LRP1B: variants seen among roughly 807,000 people sequenced by gnomAD.
LRP1B encodes LDL receptor related protein 1B.
In LRP1B, 217 loss-of-function variants were observed where a neutral mutation model predicts 556.6. The observed-to-expected ratio is 0.39, with a 90% CI of 0.35 to 0.44. The LOEUF is 0.44. Ranked by LOEUF, LRP1B falls within the 20% of genes least tolerant of loss-of-function variation. The pLI, the probability that LRP1B is intolerant of heterozygous loss-of-function variation, is 1.00. For missense variants in LRP1B, 5,053 were observed against 5,620.8 expected (o/e 0.90, Z 3.23); for synonymous variants, 2,047 against 1,865.8 (o/e 1.10, Z -2.50).
chr2:140,537,216 T>C (rs944447166), intron 45 of LRP1B, among the ~76,000 whole-genome samples: 7 of 147,420 alleles, frequency 4.7e-5, no homozygotes, highest in Non-Finnish European at 8.9e-5. Flanking sequence ...ATATAATATA[T>C]AATAATAATA....
intron 67 of LRP1B, among the ~76,000 whole-genome samples, 181 bp from the exon 68 acceptor site, chr2:140,378,467 A>T (rs1375593761): frequency 1.3e-5 from 2 of 152,200 alleles, no homozygotes; most frequent in African/African-American, 4.8e-5. Context: ...TAATTTTTCC[A>T]ATTTATTTTT....
intron 68 of LRP1B, 101 bp downstream of exon 68, chr2:140,378,079 A>G (rs1683312496): frequency 2.7e-6 from 2 of 731,180 alleles, no homozygotes; most frequent in African/African-American, 1.8e-5. Flanking sequence ...GGAGCAAAGT[A>G]TTTCTGAGCT....
rs566355196 is a variant in LRP1B, at chr2:140,983,498, A to G, written c.2771-1222T>C. 1.1e-4 allele frequency among the ~76,000 whole-genome samples: 16 copies of G among 152,254 alleles called. 1 individual carries two copies. Among genetic ancestry groups the G allele is most frequent in the African/African-American group, 3.1e-4 (13 of 41,588 alleles). ...TATAAGAAAGAGTGGAGCAAAGCCA[A>G]CTCAATCAAATGCACTAAAATGGGT... On this transcript the variant is annotated intron_variant, in intron 17 of 90. Transcript: ENST00000389484.
At chr2:141,239,050 T>A (rs142651051) in intron 5 of LRP1B, among the ~76,000 whole-genome samples, 180 of 152,082 alleles carry the variant, frequency 1.2e-3, no homozygotes, top group Admixed American at 2.0e-3. Flanking sequence ...TGATACAGGA[T>A]GAAACATCCT....
intron 43 of LRP1B, among the ~76,000 whole-genome samples, chr2:140,581,197 T>A (rs985500411): frequency 3.0e-4 from 46 of 152,236 alleles, no homozygotes; most frequent in Non-Finnish European, 5.4e-4. Context: ...TTTTGCATAA[T>A]TGTCAAAATG....
chr2:140,847,744 G>A (rs1692317172), intron 29 of LRP1B, among the ~76,000 whole-genome samples: 1 of 143,868 alleles, frequency 7.0e-6, no homozygotes, highest in Non-Finnish European at 1.5e-5. Context: ...TCCAGCCTGG[G>A]ACAGAGTGAG....
chr2:140,872,210 T>C (rs1339885786), intron 25 of LRP1B, among the ~76,000 whole-genome samples: 1 of 151,750 alleles, frequency 6.6e-6, no homozygotes, highest in African/African-American at 2.4e-5. Context: ...AAATAGTTTA[T>C]AATAGTCTGG....
chr2:140,829,603 A>G (rs1440039963), intron 31 of LRP1B, among the ~76,000 whole-genome samples: 1 of 152,166 alleles, frequency 6.6e-6, no homozygotes, highest in African/African-American at 2.4e-5. Context: ...GAAAAACATA[A>G]CATACCAAAA....
intron 3 of LRP1B, among the ~76,000 whole-genome samples, chr2:141,466,579 C>T (rs72849004): frequency 0.33 from 50,048 of 151,950 alleles, 8,922 homozygotes; most frequent in Non-Finnish European, 0.4. Flanking sequence ...AATCAGGCTT[C>T]TGGAAAGCTC....
chr2:141,752,945 G>GAAAAAAAAAA (rs70994450), intron 2 of LRP1B, among the ~76,000 whole-genome samples: 1,335 of 28,080 alleles, frequency 0.048, 209 homozygotes, highest in African/African-American at 0.12. Flanking sequence ...CCCTGTCTCA[G>GAAAAAAAAAA]AAAAAAAAAA....
chr2:140,536,494 G>A lies in LRP1B; in HGVS notation c.7642+87C>T, dbSNP rs556824871. 92 of 1,286,934 alleles carry A rather than the reference G, an allele frequency of 7.1e-5. 1 individual carries two copies. In the South Asian group the frequency reaches 8.4e-4, roughly 12 times the overall value. The allele number at this position is 1,286,934 out of a possible 1,614,324, so 79.7% of individuals were successfully genotyped here. ...GAGAGACATTAAATAAATTATCCACGTAAACCACACCGAGACAAGCAAACC... is the reference window on the plus strand; with the variant it reads ...GAGAGACATTAAATAAATTATCCACATAAACCACACCGAGACAAGCAAACC... On this transcript the variant is annotated intron_variant, in intron 46 of 90. Transcript: ENST00000389484.
At chr2:140,670,090 G>T (rs572893674) in intron 41 of LRP1B, among the ~76,000 whole-genome samples, 23 of 152,248 alleles carry the variant, frequency 1.5e-4, no homozygotes, top group African/African-American at 5.3e-4. Context: ...GTTTCCCAAT[G>T]GGAATTAACA....
At chr2:141,809,138 T>C (rs1033666664) in intron 2 of LRP1B, among the ~76,000 whole-genome samples, 2 of 152,120 alleles carry the variant, frequency 1.3e-5, no homozygotes, top group African/African-American at 4.8e-5. Flanking sequence ...GACTATAAAC[T>C]CTTCCTGTGG....
chr2:141,992,927 G>A (rs1400315037), intron 1 of LRP1B, among the ~76,000 whole-genome samples: 2 of 152,148 alleles, frequency 1.3e-5, no homozygotes, highest in Non-Finnish European at 2.9e-5. Context: ...CCAACACTGA[G>A]ATCAAACCGT....
chr2:140,770,057 C>T (rs1472584572), intron 34 of LRP1B, among the ~76,000 whole-genome samples: 1 of 151,640 alleles, frequency 6.6e-6, no homozygotes, highest in Non-Finnish European at 1.5e-5. Context: ...AACTAGAATG[C>T]CTAGAATTAA....
intron 2 of LRP1B, among the ~76,000 whole-genome samples, chr2:141,765,927 T>C (rs1694718933): frequency 6.6e-6 from 1 of 152,216 alleles, no homozygotes; most frequent in Non-Finnish European, 1.5e-5. Context: ...GATTCTGCTG[T>C]ACATTCAAGT....
At chr2:141,399,452 T>C (rs1690366178) in intron 3 of LRP1B, among the ~76,000 whole-genome samples, 1 of 152,016 alleles carries the variant, frequency 6.6e-6, no homozygotes, top group Admixed American at 6.6e-5. Flanking sequence ...GTTTCCTCCC[T>C]TTCTGCAGAG....
At chr2:142,006,703 G>C (rs1702812777) in intron 1 of LRP1B, among the ~76,000 whole-genome samples, 1 of 152,110 alleles carries the variant, frequency 6.6e-6, no homozygotes, top group Admixed American at 6.6e-5. Context: ...AAGTTTTATA[G>C]AGGGCTACTT....
At chr2:140,248,373 A>G (rs2104901645) in intron 86 of LRP1B, among the ~76,000 whole-genome samples, 1 of 151,826 alleles carries the variant, frequency 6.6e-6, no homozygotes, top group Non-Finnish European at 1.5e-5. Context: ...ATAAATGATA[A>G]ATTTAAAACT....
Sources: allele counts gnomAD v4.1 joint callset (sites outside exome capture counted in the v4.1 genomes callset), GRCh38; gene constraint gnomAD v4.1.1; transcripts MANE v1.5; gene names NCBI Gene and HGNC (gene_info 2026-07-23, HGNC 2026-07-21).